The following ASTN2 variants were observed in gnomAD, a reference collection of about 807,000 sequenced individuals.
The protein encoded by ASTN2 is astrotactin 2.
In ASTN2, 54 loss-of-function variants were observed where a neutral mutation model predicts 139.8. The ratio of observed to expected loss-of-function variants is 0.39; its 90% CI spans 0.31 to 0.48. The LOEUF (loss-of-function observed/expected upper bound fraction) is 0.48. Among genes scored for constraint, ASTN2 ranks in the 20% least tolerant of loss-of-function variants. The probability of loss-of-function intolerance (pLI) is 0.95; values close to 1 mark genes in which losing one functional copy is unlikely to be tolerated. For synonymous variants in ASTN2, 756 were observed against 719.5 expected (o/e 1.05, Z -0.81); for missense variants, 1,565 against 1,725.1 (o/e 0.91, Z 1.64).
At chr9:117,240,586 G>T (rs1447433131) in intron 2 of ASTN2, among the ~76,000 whole-genome samples, 1 of 152,194 alleles carries the variant, frequency 6.6e-6, no homozygotes, top group Admixed American at 6.5e-5. Flanking sequence ...ACACCAGACG[G>T]TGAGAATAAT....
intron 2 of ASTN2, among the ~76,000 whole-genome samples, chr9:117,257,743 C>T (rs1020224807): frequency 2.6e-5 from 4 of 152,156 alleles, no homozygotes; most frequent in Non-Finnish European, 5.9e-5. Flanking sequence ...CTCTCCATTC[C>T]CACAACATAG....
chr9:116,617,684 T>C (rs1855922726), intron 19 of ASTN2, among the ~76,000 whole-genome samples: 1 of 152,208 alleles, frequency 6.6e-6, no homozygotes, highest in Non-Finnish European at 1.5e-5. Flanking sequence ...GTCTAATTGA[T>C]GTTTTCTAGC....
rs537156842 is a variant in ASTN2, at chr9:117,369,564, A to G, written c.442+44933T>C. On this transcript the variant is annotated intron_variant, in intron 1 of 22. Coordinates refer to ENST00000313400, the MANE Select transcript of ASTN2 (RefSeq NM_001365068.1). ...ATTTTTGCTTTAAGTATGACATATT[A>G]TATGATCTTAAAGTCATCTGTCTAC... Among the ~76,000 whole-genome samples the G allele has an allele frequency of 7.2e-5, 11 of 152,230 alleles. 1 individual carries two copies. In the South Asian group the frequency reaches 2.3e-3, roughly 32 times the overall value.
intron 20 of ASTN2, among the ~76,000 whole-genome samples, chr9:116,445,904 T>G (rs1394069331): frequency 6.6e-6 from 1 of 152,042 alleles, no homozygotes; most frequent in Non-Finnish European, 1.5e-5. Flanking sequence ...GCAACCCTGC[T>G]GGGGGGTGGA....
intron 3 of ASTN2, among the ~76,000 whole-genome samples, chr9:117,203,335 G>A (rs985033604): frequency 1.3e-5 from 2 of 152,138 alleles, no homozygotes; most frequent in Non-Finnish European, 2.9e-5. Context: ...AGCCTACTCT[G>A]TCAATTCATC....
intron 1 of ASTN2, among the ~76,000 whole-genome samples, chr9:117,384,074 G>C (rs578009679): frequency 2.0e-5 from 3 of 152,318 alleles, no homozygotes; most frequent in Admixed American, 1.3e-4. Context: ...CAGCTGCAGT[G>C]CTACCTGGGA....
At chr9:117,050,182 C>T (rs935859775) in intron 5 of ASTN2, among the ~76,000 whole-genome samples, 1 of 152,118 alleles carries the variant, frequency 6.6e-6, no homozygotes, top group African/African-American at 2.4e-5. Flanking sequence ...TAAGGCCAAG[C>T]AGTGAGTGCT....
At chr9:116,921,950 C>T (rs1396475505) in intron 10 of ASTN2, among the ~76,000 whole-genome samples, 2 of 152,074 alleles carry the variant, frequency 1.3e-5, no homozygotes, top group African/African-American at 4.8e-5. Context: ...ATATCAGGGC[C>T]CCACATCCAG....
intron 13 of ASTN2, among the ~76,000 whole-genome samples, chr9:116,774,043 A>G (rs896910663): frequency 6.6e-6 from 1 of 152,204 alleles, no homozygotes; most frequent in Non-Finnish European, 1.5e-5. Flanking sequence ...GTCTGTTGGA[A>G]CAGTGGTTTG....
At chr9:116,839,511 G>A (rs976540789) in intron 11 of ASTN2, among the ~76,000 whole-genome samples, 3 of 151,256 alleles carry the variant, frequency 2.0e-5, no homozygotes, top group Admixed American at 1.3e-4. Flanking sequence ...ACAGAGTCTC[G>A]CTCTGTCACC....
intron 2 of ASTN2, among the ~76,000 whole-genome samples, chr9:117,247,705 T>G (rs962787442): frequency 6.6e-6 from 1 of 152,234 alleles, no homozygotes; most frequent in African/African-American, 2.4e-5. Context: ...TCTAAGAGGT[T>G]CATCCTGAGA....
Position 116,775,986 on chromosome 9 carries a change from G to A in ASTN2, c.2396+29646C>T, listed in dbSNP as rs569981877. On this transcript the variant is annotated intron_variant, in intron 13 of 22. Transcript: ENST00000313400. Reference sequence around the variant, plus strand: ...ATAAAGGAAAAGGCAGCATCTCTACGTATGATTGTGCAGCTTGTGCCCTGC... The same window carrying A: ...ATAAAGGAAAAGGCAGCATCTCTACATATGATTGTGCAGCTTGTGCCCTGC... 3.9e-5 allele frequency among the ~76,000 whole-genome samples: 6 copies of A among 152,252 alleles called. No individual in the cohort carries two copies. The South Asian group carries it at 6.2e-4, about 16-fold the overall frequency.
chr9:117,060,709 T>C (rs1007292880), intron 5 of ASTN2, among the ~76,000 whole-genome samples: 3 of 151,538 alleles, frequency 2.0e-5, no homozygotes, highest in Admixed American at 6.6e-5. Flanking sequence ...CTGGCTAACA[T>C]GGTGAAACCC....
intron 3 of ASTN2, among the ~76,000 whole-genome samples, chr9:117,190,819 G>A (rs1831325352): frequency 6.6e-6 from 1 of 151,778 alleles, no homozygotes; most frequent in African/African-American, 2.4e-5. Flanking sequence ...CTCCCCCATT[G>A]CAATTATTAT....
At chr9:116,913,213 T>A (rs546527595) in intron 10 of ASTN2, among the ~76,000 whole-genome samples, 1 of 152,314 alleles carries the variant, frequency 6.6e-6, no homozygotes, top group Non-Finnish European at 1.5e-5. Context: ...CTTATCCAGG[T>A]AACTTAACAT....
At chr9:117,180,980 G>T in intron 3 of ASTN2, 1 of 1,597,004 alleles carries the variant, frequency 6.3e-7, no homozygotes, top group Non-Finnish European at 8.5e-7. Flanking sequence ...ACAGTGCCCT[G>T]GGGCTTTCCA....
intron 19 of ASTN2, chr9:116,582,256 G>T (rs1853980379): frequency 6.6e-6 from 1 of 152,176 alleles, no homozygotes; most frequent in African/African-American, 2.4e-5. Flanking sequence ...GATCTACATG[G>T]ACTAGCAGCT....
At chr9:117,205,080 T>A in intron 3 of ASTN2, among the ~76,000 whole-genome samples, 1 of 152,062 alleles carries the variant, frequency 6.6e-6, no homozygotes, top group East Asian at 1.9e-4. Flanking sequence ...AGATGAGAAA[T>A]CACATGAAAA....
intron 20 of ASTN2, among the ~76,000 whole-genome samples, chr9:116,460,019 T>C (rs755867634): frequency 1.3e-5 from 2 of 152,120 alleles, no homozygotes; most frequent in East Asian, 3.9e-4. Context: ...CATCAACTGA[T>C]GAATGAATAA....
Sources: gnomAD v4.1 joint callset for allele counts (sites outside exome capture counted in the v4.1 genomes callset) on GRCh38, gnomAD v4.1.1 for gene constraint, MANE v1.5 for transcripts, NCBI Gene and HGNC (gene_info 2026-07-23, HGNC 2026-07-21) for gene names.